VWA8: variants seen among roughly 807,000 people sequenced by gnomAD.
VWA8 encodes von Willebrand factor A domain-containing protein 8.
VWA8 carries 221 observed loss-of-function variants against 241.5 expected under a neutral mutation model. The observed-to-expected ratio is 0.91, with a 90% CI of 0.82 to 1.02. VWA8 has a LOEUF of 1.02. VWA8 is among the 50% of genes least tolerant of loss of function. VWA8 has a pLI of 0.00. For synonymous variants in VWA8, 852 were observed against 827.1 expected, an observed-to-expected ratio of 1.03 and a Z score of -0.52; for missense variants, 2,322 against 2,328.7, an observed-to-expected ratio of 1.00 and a Z score of 0.06.
intron 4 of VWA8, among the ~76,000 whole-genome samples, chr13:41,898,677 C>CG (rs1875264358): frequency 1.3e-5 from 2 of 152,194 alleles, no homozygotes; most frequent in Admixed American, 1.3e-4. Context: ...CCCACGGAGG[C>CG]GGGGGAAGGC....
At chr13:41,722,665 T>G (rs1476716985) in intron 24 of VWA8, among the ~76,000 whole-genome samples, 1 of 152,112 alleles carries the variant, frequency 6.6e-6, no homozygotes, top group Non-Finnish European at 1.5e-5. Flanking sequence ...AAATAATGAT[T>G]AATTAGGACA....
Position 41,956,189 on chromosome 13 carries a change from A to C in VWA8, c.163+4664T>G, listed in dbSNP as rs112483407. Among the ~76,000 whole-genome samples, 563 of 152,280 alleles carry C rather than the reference A, an allele frequency of 3.7e-3. 2 individuals carry two copies. Among genetic ancestry groups the C allele is most frequent in the African/African-American group, 0.013 (536 of 41,556 alleles). On this transcript the variant is annotated intron_variant, in intron 1 of 44. Coordinates refer to ENST00000379310, the MANE Select transcript of VWA8 (RefSeq NM_015058.2). ...TCCTGTGTGTCATGGACTGTTTAGC[A>C]GCATCACTGGCCTCTACCCGCTAGA...
chr13:41,731,955 T>C (rs2045487238), intron 22 of VWA8, 125 bp downstream of exon 22: 2 of 739,130 alleles, frequency 2.7e-6, no homozygotes, highest in East Asian at 5.9e-5. Flanking sequence ...GTCTCAGGTA[T>C]GTCTTTATAA....
intron 37 of VWA8, among the ~76,000 whole-genome samples, chr13:41,631,539 G>A (rs751550876): frequency 3.9e-5 from 6 of 152,048 alleles, no homozygotes; most frequent in Non-Finnish European, 8.8e-5. Context: ...TCCAAACAGA[G>A]TTGTTTGAAA....
intron 37 of VWA8, among the ~76,000 whole-genome samples, chr13:41,644,409 G>C (rs979597688): frequency 5.3e-5 from 8 of 152,192 alleles, no homozygotes; most frequent in Admixed American, 4.6e-4. Context: ...TTTTGTTCAA[G>C]GACATTTCAT....
chr13:41,686,163 A>G (rs1459366729), intron 34 of VWA8, among the ~76,000 whole-genome samples: 4 of 152,060 alleles, frequency 2.6e-5, no homozygotes, highest in East Asian at 3.9e-4. Context: ...TCTATGGTGC[A>G]TTTTTCTATT....
chr13:41,667,041 A>C (rs1039210238), intron 37 of VWA8, among the ~76,000 whole-genome samples: 1 of 152,238 alleles, frequency 6.6e-6, no homozygotes, highest in Non-Finnish European at 1.5e-5. Flanking sequence ...ATGATGTATA[A>C]GAGTAAACTA....
At chr13:41,744,496 C>A (rs2045589645) in intron 21 of VWA8, among the ~76,000 whole-genome samples, 1 of 152,300 alleles carries the variant, frequency 6.6e-6, no homozygotes, top group South Asian at 2.1e-4. Context: ...CTAATTTAAG[C>A]CCCTCATCCC....
In VWA8 at chr13:41,673,947, A is replaced by C. The variant is rs565861917; in HGVS notation, c.4409+1268T>G. Among the ~76,000 whole-genome samples the C allele has an allele frequency of 1.1e-4, 16 of 152,312 alleles. No homozygotes were observed. The South Asian group carries it at 3.3e-3, about 32-fold the overall frequency. The stretch of plus-strand genomic sequence containing the variant: ...GAGAAATGACTATAAATACTGGAAA[A>C]AATTATCAATGTTTTAGATATGTTA... On this transcript the variant is annotated intron_variant, in intron 36 of 44. Transcript: ENST00000379310.
rs1878310257 is a variant in VWA8 at position 41,955,427 on chromosome 13, T to C, written c.164-5414A>G. Among the ~76,000 whole-genome samples, 3 of 152,220 alleles carry C rather than the reference T, an allele frequency of 2.0e-5. No homozygotes were observed. In the South Asian group the frequency reaches 6.2e-4, roughly 31 times the overall value. ...ATTATTATCCTGAGATTCTTCATGA[T>C]AGCCCTTCTGGTGCACCATATCCTC... On this transcript the variant is annotated intron_variant, in intron 1 of 44. Transcript: ENST00000379310.
At chr13:41,753,824 T>C (rs555129572) in intron 21 of VWA8, among the ~76,000 whole-genome samples, 42 of 152,286 alleles carry the variant, frequency 2.8e-4, no homozygotes. Context: ...CACAAATCCA[T>C]TGAAAGGAAT....
intron 37 of VWA8, among the ~76,000 whole-genome samples, chr13:41,659,676 A>G (rs1273370401): frequency 6.6e-6 from 1 of 152,226 alleles, no homozygotes; most frequent in African/African-American, 2.4e-5. Context: ...CAGCTGTTAC[A>G]TAATTCTGAT....
rs141958304 is a variant in VWA8, at chr13:41,743,563, C to A, written c.2427-11408G>T. On this transcript the variant is annotated intron_variant, in intron 21 of 44. Coordinates refer to ENST00000379310, the MANE Select transcript of VWA8 (RefSeq NM_015058.2). ...CAGAATAGACAAAGTTGCTGAAATGCCAGAATGTCTCACCACAAATAAACT... is the reference window on the plus strand; with the variant it reads ...CAGAATAGACAAAGTTGCTGAAATGACAGAATGTCTCACCACAAATAAACT... Among the ~76,000 whole-genome samples the A allele has an allele frequency of 4.1e-3, 624 of 152,296 alleles. 7 individuals are homozygous for A. The highest frequency in any genetic ancestry group is 4.4e-3 in the Non-Finnish European group (302 of 68,014).
rs1230769541 is a variant in VWA8 at position 41,907,664 on chromosome 13, G to A, written c.405C>T (p.Ala135=). 31 of 1,614,006 alleles carry A rather than the reference G, an allele frequency of 1.9e-5. No homozygotes were observed. In the Admixed American group the frequency reaches 5.2e-4, roughly 27 times the overall value. ...CAGTTTCAGTGGTGTCCCTTGACAGGGCAATGTATTCGACCTCCCGTTTGG... is the reference window on the plus strand; with the variant it reads ...CAGTTTCAGTGGTGTCCCTTGACAGAGCAATGTATTCGACCTCCCGTTTGG... ...ELTKREVEYI[A]LSRDTTETDL... The change falls in exon 4 of 45, where the codon GCC becomes GCT. Residue 135 remains alanine (A), a synonymous_variant. Coordinates refer to ENST00000379310, the MANE Select transcript of VWA8 (RefSeq NM_015058.2).
chr13:41,887,847 T>C (rs1187713188), intron 5 of VWA8, among the ~76,000 whole-genome samples: 1 of 152,244 alleles, frequency 6.6e-6, no homozygotes, highest in Non-Finnish European at 1.5e-5. Context: ...GCACATTCCA[T>C]GGATTTTTCT....
chr13:41,602,394 G>A (rs1168225820), intron 40 of VWA8, among the ~76,000 whole-genome samples: 4 of 152,070 alleles, frequency 2.6e-5, no homozygotes, highest in African/African-American at 4.8e-5. Context: ...ATACAGCCCA[G>A]GACAGGTTAC....
At chr13:41,940,428 C>T (rs1281867191) in intron 2 of VWA8, among the ~76,000 whole-genome samples, 1 of 149,504 alleles carries the variant, frequency 6.7e-6, no homozygotes, top group East Asian at 1.9e-4. Context: ...AACTTCAAAA[C>T]AGAAAAAAAA....
rs1871573049 is a variant in VWA8 at position 41,833,505 on chromosome 13, C to T, written c.1452G>A (p.Gln484=). 6.2e-7 allele frequency: 1 copy of T among 1,612,416 alleles called. No individual in the cohort carries two copies. Residue 484 remains glutamine (Q), a synonymous_variant, in exon 13 of 45, where the codon CAG becomes CAA. Coordinates refer to ENST00000379310, the MANE Select transcript of VWA8 (RefSeq NM_015058.2). ...CTCCATTTGGAAGGGTGTATCTCTGCTGTAGCAGATCACGCGCTGTCATAT... is the reference window on the plus strand; with the variant it reads ...CTCCATTTGGAAGGGTGTATCTCTGTTGTAGCAGATCACGCGCTGTCATAT... The part of the protein sequence containing the change: ...YQDMTARDLL[Q]QRYTLPNGDT...
intron 4 of VWA8, among the ~76,000 whole-genome samples, chr13:41,906,319 C>T (rs1227963888): frequency 6.6e-6 from 1 of 152,118 alleles, no homozygotes; most frequent in African/African-American, 2.4e-5. Flanking sequence ...CTACTCCAGA[C>T]TCCAACTCAC....
Sources: gnomAD v4.1 joint callset for allele counts (sites outside exome capture counted in the v4.1 genomes callset) on GRCh38, gnomAD v4.1.1 for gene constraint, MANE v1.5 for transcripts, NCBI Gene and HGNC (gene_info 2026-07-23, HGNC 2026-07-21) for gene names.